SHROOM3: variants seen among roughly 807,000 people sequenced by gnomAD.
SHROOM3 encodes shroom family member 3, also known as protein Shroom3.
A neutral mutation model predicts 138.6 loss-of-function variants in SHROOM3; 47 were observed. The ratio of observed to expected loss-of-function variants is 0.34; its 90% CI spans 0.27 to 0.43. The LOEUF (loss-of-function observed/expected upper bound fraction) is 0.43, where lower values mean the gene tolerates loss of function less well. SHROOM3 is among the 20% of genes least tolerant of loss of function. The pLI, the probability that SHROOM3 is intolerant of heterozygous loss-of-function variation, is 1.00. For missense variants in SHROOM3, 2,491 were observed against 2,596.5 expected (o/e 0.96, Z 0.88); for synonymous variants, 1,062 against 1,063.3 (o/e 1.00, Z 0.02).
intron 2 of SHROOM3, among the ~76,000 whole-genome samples, chr4:76,708,335 T>A (rs1720124051): frequency 6.9e-6 from 1 of 145,840 alleles, no homozygotes. Flanking sequence ...GAAGGAGAAG[T>A]GGAAAGGAAA....
chr4:76,730,495 G>C (rs1037116039), intron 3 of SHROOM3, among the ~76,000 whole-genome samples: 1 of 152,122 alleles, frequency 6.6e-6, no homozygotes, highest in Non-Finnish European at 1.5e-5. Flanking sequence ...CATTAATAAA[G>C]TACAAAATGT....
chr4:76,546,832 C>T (rs895320835), intron 1 of SHROOM3, among the ~76,000 whole-genome samples: 2 of 152,178 alleles, frequency 1.3e-5, no homozygotes, highest in Non-Finnish European at 2.9e-5. Flanking sequence ...ATACCCCTGC[C>T]TTTATCTTCA....
intron 2 of SHROOM3, among the ~76,000 whole-genome samples, chr4:76,613,162 T>C (rs1307344255): frequency 1.3e-5 from 2 of 152,138 alleles, no homozygotes; most frequent in Non-Finnish European, 2.9e-5. Context: ...GCGTTCCTCC[T>C]CAAATATCCC....
At chr4:76,635,044 C>A (rs927350732) in intron 2 of SHROOM3, among the ~76,000 whole-genome samples, 1 of 152,056 alleles carries the variant, frequency 6.6e-6, no homozygotes, top group Non-Finnish European at 1.5e-5. Flanking sequence ...ACTGCAGGGG[C>A]CAGAAGAGAA....
chr4:76,582,589 G>A (rs563997291), intron 2 of SHROOM3, among the ~76,000 whole-genome samples: 1 of 152,096 alleles, frequency 6.6e-6, no homozygotes, highest in Non-Finnish European at 1.5e-5. Flanking sequence ...CTCCTGCCCT[G>A]GGCTTATAAA....
chr4:76,444,484 C>CTTTTTT (rs61655085), intron 1 of SHROOM3, among the ~76,000 whole-genome samples: 17 of 60,150 alleles, frequency 2.8e-4, no homozygotes, highest in Non-Finnish European at 3.5e-4. Flanking sequence ...CTCTTTCTTT[C>CTTTTTT]TTTTTTTTTT....
intron 3 of SHROOM3, among the ~76,000 whole-genome samples, chr4:76,720,639 G>A (rs1346397713): frequency 6.9e-6 from 1 of 145,324 alleles, no homozygotes; most frequent in African/African-American, 2.5e-5. Context: ...TTGAGGCAGA[G>A]TCTCGTTCTG....
chr4:76,754,417 G>T lies in SHROOM3; in HGVS notation c.3934G>T (p.Val1312Phe). ...CTGCAAAGCCATTGGTGATTCCTCC[G>T]TTCCTAGTGAATGTCCTGGAACCCT... is the stretch of plus-strand genomic sequence containing the variant. Reference protein sequence around the residue: ...SGCKAIGDSSVPSECPGTLDH... With the variant: ...SGCKAIGDSSFPSECPGTLDH... The change falls in exon 7 of 11, where the codon GTT becomes TTT. Residue 1312 changes from valine (V) to phenylalanine (F), a missense_variant. Val to Phe is a conservative substitution (Grantham distance 50). This residue lies in a region of SHROOM3 where 1,733 missense variants were observed against 1,661.6 expected (regional missense o/e 1.04). Transcript: ENST00000296043. 1 of 1,614,074 alleles carries T rather than the reference G, an allele frequency of 6.2e-7. No homozygotes were observed.
chr4:76,546,936 G>A (rs954342607), intron 1 of SHROOM3, among the ~76,000 whole-genome samples: 10 of 152,148 alleles, frequency 6.6e-5, no homozygotes, highest in East Asian at 1.9e-4. Flanking sequence ...GACTTCTACC[G>A]GATGAGTTTA....
intron 10 of SHROOM3, among the ~76,000 whole-genome samples, chr4:76,775,837 A>G (rs1422716073): frequency 6.6e-6 from 1 of 151,652 alleles, no homozygotes; most frequent in Non-Finnish European, 1.5e-5. Context: ...ACACACATAC[A>G]TATATACACA....
intron 1 of SHROOM3, among the ~76,000 whole-genome samples, chr4:76,528,374 C>T (rs371206862): frequency 2.8e-4 from 38 of 136,498 alleles, no homozygotes; most frequent in African/African-American, 1.0e-3. Flanking sequence ...CAGGGTCTTC[C>T]TATGTCCTAT....
intron 2 of SHROOM3, among the ~76,000 whole-genome samples, chr4:76,635,675 C>T (rs1242941047): frequency 6.6e-6 from 1 of 152,206 alleles, no homozygotes; most frequent in Non-Finnish European, 1.5e-5. Flanking sequence ...ATTGGAGTCA[C>T]TCCTGGGAAT....
chr4:76,599,185 G>A (rs1017918463), intron 2 of SHROOM3, among the ~76,000 whole-genome samples: 1 of 152,096 alleles, frequency 6.6e-6, no homozygotes, highest in Non-Finnish European at 1.5e-5. Flanking sequence ...GTGTGCTGAG[G>A]TGTTACCTGT....
At chr4:76,723,210 A>T (rs1720600669) in intron 3 of SHROOM3, among the ~76,000 whole-genome samples, 1 of 151,748 alleles carries the variant, frequency 6.6e-6, no homozygotes, top group Admixed American at 6.6e-5. Context: ...CTGACTTCAG[A>T]CCCCATTCAT....
intron 2 of SHROOM3, among the ~76,000 whole-genome samples, chr4:76,576,873 T>C (rs952127165): frequency 6.6e-6 from 1 of 151,992 alleles, no homozygotes; most frequent in African/African-American, 2.4e-5. Context: ...TTAAATTAAA[T>C]TTTTAAAAAT....
At chr4:76,735,412 A>AAT (rs1274732370) in intron 4 of SHROOM3, among the ~76,000 whole-genome samples, 2 of 152,046 alleles carry the variant, frequency 1.3e-5, no homozygotes, top group East Asian at 3.9e-4. Flanking sequence ...CAGGAGGGAA[A>AAT]ATACCTAACA....
At chr4:76,612,770 CTCAA>C (rs1353018164) in intron 2 of SHROOM3, among the ~76,000 whole-genome samples, 3 of 152,046 alleles carry the variant, frequency 2.0e-5, no homozygotes, top group African/African-American at 4.8e-5. Context: ...AAGACTCCAT[CTCAA>C]TCAATCAATC....
chr4:76,444,015 C>T (rs1730752268), intron 1 of SHROOM3, among the ~76,000 whole-genome samples: 2 of 152,052 alleles, frequency 1.3e-5, no homozygotes, highest in African/African-American at 4.8e-5. Context: ...GCAGCCTTGA[C>T]CTCCCTGGGG....
intron 1 of SHROOM3, among the ~76,000 whole-genome samples, chr4:76,547,773 T>A (rs946414259): frequency 6.6e-6 from 1 of 151,936 alleles, no homozygotes; most frequent in Non-Finnish European, 1.5e-5. Context: ...CTACTAAAGA[T>A]ACAAAAATTA....
Sources: gnomAD v4.1 joint callset for allele counts (sites outside exome capture counted in the v4.1 genomes callset) on GRCh38, gnomAD v4.1.1 for gene constraint, gnomAD v4.1.1 regional missense constraint, MANE v1.5 for transcripts, NCBI Gene and HGNC (gene_info 2026-07-23, HGNC 2026-07-21) for gene names.